SLC1A1: variants seen among roughly 807,000 people sequenced by gnomAD.
SLC1A1 encodes the protein excitatory amino acid transporter 3.
SLC1A1 carries 43 observed loss-of-function variants against 53.3 expected under a neutral mutation model. That is an observed-to-expected ratio of 0.81 (90% CI 0.63 to 1.04). The LOEUF (loss-of-function observed/expected upper bound fraction) is 1.04, where lower values mean the gene tolerates loss of function less well. Among genes scored for constraint, SLC1A1 ranks in the 50% least tolerant of loss-of-function variants. The pLI is 0.00. For synonymous variants in SLC1A1, 307 were observed against 243.2 expected (o/e 1.26, Z -2.44); for missense variants, 748 against 664.9 (o/e 1.12, Z -1.37).
rs764063455 is a variant in SLC1A1 at position 4,561,514 on chromosome 9, T to G, written c.298T>G (p.Cys100Gly). Residue 100 changes from cysteine to glycine, a missense_variant, in exon 3 of 12, where the codon TGT becomes GGT. Cys to Gly is a radical substitution (Grantham distance 159). Transcript: ENST00000262352. ...IGLRAVVYYF[C>G]TTLIAVILGI... ...TCTGCGCGCTGTCGTGTATTATTTC[T>G]GTACCACTCTCATTGCTGTTATTCT... The G allele has an allele frequency of 6.2e-7, 1 of 1,602,100 alleles. No individual in the cohort carries two copies. The highest frequency in any genetic ancestry group is 1.7e-5 in the Admixed American group (1 of 60,006).
chr9:4,544,825 G>A, intron 2 of SLC1A1, 118 bp downstream of exon 2: 1 of 876,638 alleles, frequency 1.1e-6, no homozygotes, highest in Non-Finnish European at 1.8e-6. Flanking sequence ...AGTTCATCCT[G>A]GCTCAGAAGG....
At chr9:4,585,099 C>G (rs1016521829) in intron 11 of SLC1A1, among the ~76,000 whole-genome samples, 2 of 152,162 alleles carry the variant, frequency 1.3e-5, no homozygotes, top group East Asian at 3.8e-4. Flanking sequence ...TTTAGGGAGA[C>G]TTAGGGGAGT....
chr9:4,517,228 C>T (rs959579437), intron 1 of SLC1A1, among the ~76,000 whole-genome samples: 2 of 152,148 alleles, frequency 1.3e-5, no homozygotes, highest in Admixed American at 1.3e-4. Context: ...TAGTGAATTC[C>T]TTCTCACTCT....
At position 4,579,949 on chromosome 9, in the gene SLC1A1, G is replaced by A. The variant is rs547500129; in HGVS notation, c.1194-3089G>A. On this transcript the variant is annotated intron_variant, in intron 10 of 11. Transcript: ENST00000262352. The stretch of plus-strand genomic sequence containing the variant: ...TATAAAAATAATTAGGGCCGGAAGC[G>A]ATGGCTCAGACCTGTAATCCCAGCA... 3.9e-4 allele frequency among the ~76,000 whole-genome samples: 60 copies of A among 152,274 alleles called. 1 individual carries two copies. Among genetic ancestry groups the A allele is most frequent in the African/African-American group, 6.5e-4 (27 of 41,560 alleles).
At chr9:4,525,920 T>C (rs925715613) in intron 1 of SLC1A1, among the ~76,000 whole-genome samples, 4 of 152,176 alleles carry the variant, frequency 2.6e-5, no homozygotes, top group Admixed American at 6.5e-5. Flanking sequence ...ATAAGATATT[T>C]AGAACTAAAC....
intron 5 of SLC1A1, among the ~76,000 whole-genome samples, chr9:4,567,154 A>T (rs1819566149): frequency 1.3e-5 from 2 of 152,218 alleles, no homozygotes; most frequent in Admixed American, 1.3e-4. Flanking sequence ...AGAGAATTCA[A>T]CTGCAGTCTC....
intron 6 of SLC1A1, among the ~76,000 whole-genome samples, chr9:4,570,906 C>G (rs1819969735): frequency 6.8e-6 from 1 of 147,580 alleles, no homozygotes; most frequent in African/African-American, 2.6e-5. Context: ...ACATGAGACC[C>G]TGTCTGTTTA....
chr9:4,553,023 G>A (rs1281205921), intron 2 of SLC1A1, among the ~76,000 whole-genome samples: 2 of 152,012 alleles, frequency 1.3e-5, no homozygotes, highest in African/African-American at 4.8e-5. Context: ...AGAAGCTTTT[G>A]CCTAGAAGTC....
At chr9:4,490,839 T>G in intron 1 of SLC1A1, 69 bp downstream of exon 1, 1 of 1,358,378 alleles carries the variant, frequency 7.4e-7, no homozygotes, top group Middle Eastern at 1.9e-4. Flanking sequence ...CGCGTGCGGC[T>G]GAGGGTGGGC....
intron 1 of SLC1A1, among the ~76,000 whole-genome samples, chr9:4,528,719 A>G (rs1047572627): frequency 6.6e-6 from 1 of 152,190 alleles, no homozygotes; most frequent in African/African-American, 2.4e-5. Flanking sequence ...ATTGAGCCCT[A>G]ACCTTAACAG....
Position 4,567,705 on chromosome 9 carries a change from G to A in SLC1A1, c.520G>A (p.Asp174Asn), listed in dbSNP as rs754854560. The part of the protein sequence containing the change: ...TKREEVKPPS[D>N]PEMNMTEESF... Reference sequence around the variant, plus strand: ...GCGTGAAGAAGTGAAGCCTCCCAGCGATCCAGAGATGAACATGACAGAAGA... The same window carrying A: ...GCGTGAAGAAGTGAAGCCTCCCAGCAATCCAGAGATGAACATGACAGAAGA... The change falls in exon 6 of 12, where the codon GAT (aspartate) becomes AAT (asparagine). Residue 174 changes from aspartate (D) to asparagine (N), a missense_variant. Coordinates refer to ENST00000262352, the MANE Select transcript of SLC1A1 (RefSeq NM_004170.6). 75 of 1,613,282 alleles carry A rather than the reference G, an allele frequency of 4.6e-5. No homozygotes were observed. The East Asian group carries it at 5.8e-4, about 12-fold the overall frequency.
chr9:4,536,101 A>G (rs368634559), intron 1 of SLC1A1, among the ~76,000 whole-genome samples: 1 of 152,144 alleles, frequency 6.6e-6, no homozygotes, highest in Non-Finnish European at 1.5e-5. Flanking sequence ...CTAGAAGAAA[A>G]CCTAGGCAAT....
At chr9:4,513,884 G>A (rs933951717) in intron 1 of SLC1A1, among the ~76,000 whole-genome samples, 6 of 152,108 alleles carry the variant, frequency 3.9e-5, no homozygotes, top group East Asian at 3.9e-4. Flanking sequence ...CCATTGATAC[G>A]TACAAAACTC....
intron 1 of SLC1A1, among the ~76,000 whole-genome samples, chr9:4,513,679 G>C (rs774794568): frequency 6.6e-6 from 1 of 152,148 alleles, no homozygotes; most frequent in Non-Finnish European, 1.5e-5. Context: ...TTATGATATG[G>C]CACAGCAGTC....
At chr9:4,529,314 T>C (rs983523612) in intron 1 of SLC1A1, among the ~76,000 whole-genome samples, 1 of 152,174 alleles carries the variant, frequency 6.6e-6, no homozygotes, top group Admixed American at 6.5e-5. Flanking sequence ...TACCTAATTA[T>C]GGGCCACACT....
At chr9:4,542,625 T>A (rs1817115009) in intron 1 of SLC1A1, among the ~76,000 whole-genome samples, 1 of 152,164 alleles carries the variant, frequency 6.6e-6, no homozygotes. Context: ...GCAACCTGAA[T>A]AGTATGAGAG....
chr9:4,551,169 A>C (rs1357488619), intron 2 of SLC1A1, among the ~76,000 whole-genome samples: 1 of 152,224 alleles, frequency 6.6e-6, no homozygotes, highest in Non-Finnish European at 1.5e-5. Context: ...TTGTAAACTC[A>C]GGCTTTACAG....
intron 2 of SLC1A1, among the ~76,000 whole-genome samples, chr9:4,560,569 T>C (rs7858877): frequency 0.37 from 56,034 of 151,970 alleles, 10,988 homozygotes; most frequent in Middle Eastern, 0.5. Context: ...CTTTTTCAGA[T>C]AGTTGTAATG....
chr9:4,534,210 A>C (rs1469837144), intron 1 of SLC1A1, among the ~76,000 whole-genome samples: 1 of 152,214 alleles, frequency 6.6e-6, no homozygotes, highest in Non-Finnish European at 1.5e-5. Flanking sequence ...AACTAAGATC[A>C]GAGCAGAACT....
Sources: gnomAD v4.1 joint callset for allele counts (sites outside exome capture counted in the v4.1 genomes callset) on GRCh38, gnomAD v4.1.1 for gene constraint, MANE v1.5 for transcripts, NCBI Gene and HGNC (gene_info 2026-07-23, HGNC 2026-07-21) for gene names.